Variants in NFIB observed in about 807,000 individuals in gnomAD.
The protein encoded by NFIB is nuclear factor 1 B-type.
Under a neutral mutation model 61.5 loss-of-function variants are expected in NFIB, and 11 were observed. The ratio of observed to expected loss-of-function variants is 0.18; its 90% CI spans 0.11 to 0.30. The LOEUF (loss-of-function observed/expected upper bound fraction) is 0.30, where lower values mean the gene tolerates loss of function less well. Ranked by LOEUF, NFIB falls within the 10% of genes least tolerant of loss-of-function variation. The pLI, the probability that NFIB is intolerant of heterozygous loss-of-function variation, is 1.00. For synonymous variants in NFIB, 260 were observed against 216.5 expected (o/e 1.20, Z -1.76); for missense variants, 471 against 608.9 (o/e 0.77, Z 2.38).
chr9:14,228,121 T>C (rs974383731), intron 2 of NFIB, among the ~76,000 whole-genome samples: 2 of 152,044 alleles, frequency 1.3e-5, no homozygotes, highest in Non-Finnish European at 2.9e-5. Context: ...AACTACTGAC[T>C]TTAAAAATAA....
chr9:14,190,536 C>A (rs1587462588), intron 2 of NFIB, among the ~76,000 whole-genome samples: 1 of 152,032 alleles, frequency 6.6e-6, no homozygotes, highest in South Asian at 2.1e-4. Flanking sequence ...ACTTCTGTCC[C>A]CATGTTTTCA....
intron 1 of NFIB, among the ~76,000 whole-genome samples, chr9:14,335,212 G>T (rs1215651640): frequency 1.3e-5 from 2 of 152,132 alleles, no homozygotes; most frequent in East Asian, 3.9e-4. Context: ...GAATGTCTGG[G>T]CATATGGCAG....
intron 2 of NFIB, among the ~76,000 whole-genome samples, chr9:14,211,744 G>A (rs1157574891): frequency 1.3e-5 from 2 of 152,212 alleles, no homozygotes; most frequent in South Asian, 2.1e-4. Flanking sequence ...GCCCCTCCAC[G>A]TCAGCCCTCT....
At chr9:14,226,846 G>A (rs2052488066) in intron 2 of NFIB, among the ~76,000 whole-genome samples, 1 of 152,050 alleles carries the variant, frequency 6.6e-6, no homozygotes, top group African/African-American at 2.4e-5. Flanking sequence ...GTGGAAGAGA[G>A]TAAGAAATCT....
intron 1 of NFIB, among the ~76,000 whole-genome samples, chr9:14,393,180 T>G (rs1446591101): frequency 6.6e-6 from 1 of 152,050 alleles, no homozygotes; most frequent in Non-Finnish European, 1.5e-5. Flanking sequence ...CTTCCAATCG[T>G]GTCTCCTTAG....
chr9:14,342,184 G>T (rs1310059494), intron 1 of NFIB, among the ~76,000 whole-genome samples: 1 of 152,164 alleles, frequency 6.6e-6, no homozygotes, highest in African/African-American at 2.4e-5. Context: ...TTAACCATTT[G>T]AAAATAAAGA....
chr9:14,129,583 T>G (rs1209655953), intron 6 of NFIB, among the ~76,000 whole-genome samples: 2 of 152,102 alleles, frequency 1.3e-5, no homozygotes, highest in African/African-American at 4.8e-5. Context: ...CATGCCAAGG[T>G]GAAAAATGAT....
At chr9:14,323,812 C>T (rs896890914) in intron 1 of NFIB, among the ~76,000 whole-genome samples, 1 of 152,138 alleles carries the variant, frequency 6.6e-6, no homozygotes, top group Non-Finnish European at 1.5e-5. Flanking sequence ...AAGGCATGGC[C>T]TTATTACCAA....
chr9:14,383,700 G>A (rs953099955), intron 1 of NFIB, among the ~76,000 whole-genome samples: 1 of 152,196 alleles, frequency 6.6e-6, no homozygotes, highest in African/African-American at 2.4e-5. Flanking sequence ...TGATCACTTT[G>A]TGTTTTCCTG....
chr9:14,341,259 C>T lies in NFIB; in HGVS notation c.109-33739G>A, dbSNP rs1008665473. On this transcript the variant is annotated intron_variant, in intron 1 of 8. Coordinates refer to the NFIB transcript ENST00000380934. ...TCAGAACTGGGGAATTTAGAGTACC[C>T]GTGCTTGGTTGTGCAGGTTGTGGAC... 4.6e-5 allele frequency among the ~76,000 whole-genome samples: 7 copies of T among 152,252 alleles called. No individual in the cohort carries two copies. In the East Asian group the frequency reaches 5.8e-4, roughly 13 times the overall value.
At chr9:14,295,404 A>G (rs922940532) in intron 2 of NFIB, among the ~76,000 whole-genome samples, 2 of 152,098 alleles carry the variant, frequency 1.3e-5, no homozygotes, top group Non-Finnish European at 2.9e-5. Flanking sequence ...AGGCGGGCAG[A>G]TCACGAGGTC....
At chr9:14,514,022 C>T in the NFIB span, among the ~76,000 whole-genome samples, 1 of 152,056 alleles carries the variant, frequency 6.6e-6, no homozygotes, top group Non-Finnish European at 1.5e-5. Flanking sequence ...TTATTAGGGC[C>T]TTAATAATTT....
the NFIB span, among the ~76,000 whole-genome samples, chr9:14,486,457 A>G: frequency 1.8e-4 from 28 of 152,298 alleles, no homozygotes; most frequent in African/African-American, 6.5e-4. Context: ...AAAAACTGCT[A>G]AAAGGTGAAG....
the NFIB span, among the ~76,000 whole-genome samples, chr9:14,530,933 A>C: frequency 1.3e-5 from 2 of 152,208 alleles, no homozygotes; most frequent in Admixed American, 1.3e-4. Flanking sequence ...AGAAAATGAG[A>C]AAAGAAAGTA....
chr9:14,294,831 A>G (rs1411986574), intron 2 of NFIB, among the ~76,000 whole-genome samples: 1 of 152,188 alleles, frequency 6.6e-6, no homozygotes, highest in Non-Finnish European at 1.5e-5. Context: ...ACGTGATTTA[A>G]ATTTTCCTAG....
At chr9:14,408,146 C>G in the NFIB span, among the ~76,000 whole-genome samples, 1 of 152,138 alleles carries the variant, frequency 6.6e-6, no homozygotes, top group East Asian at 1.9e-4. Context: ...TAAAGATGCA[C>G]ATGGCAATAA....
At chr9:14,287,294 G>A (rs1166463212) in intron 2 of NFIB, among the ~76,000 whole-genome samples, 2 of 151,692 alleles carry the variant, frequency 1.3e-5, no homozygotes, top group Non-Finnish European at 2.9e-5. Context: ...AGCTGGGCGT[G>A]GTGGCGGGCA....
intron 10 of NFIB, among the ~76,000 whole-genome samples, chr9:14,103,693 G>A (rs574011288): frequency 2.0e-5 from 3 of 152,012 alleles, no homozygotes; most frequent in African/African-American, 4.8e-5. Context: ...TTTTTCTATC[G>A]ATCTATGAGG....
At chr9:14,351,210 G>A (rs1447147577) in intron 1 of NFIB, among the ~76,000 whole-genome samples, 1 of 152,194 alleles carries the variant, frequency 6.6e-6, no homozygotes. Flanking sequence ...TTGTTGTTAA[G>A]ATAAAGTTTA....
Sources: allele counts gnomAD v4.1 joint callset (sites outside exome capture counted in the v4.1 genomes callset), GRCh38; gene constraint gnomAD v4.1.1; transcripts MANE v1.5; gene names NCBI Gene and HGNC (gene_info 2026-07-23, HGNC 2026-07-21).